The following MSH4 variants were observed in gnomAD, a reference collection of about 807,000 sequenced individuals.
MSH4 encodes the protein mutS homolog 4.
In MSH4, 106 loss-of-function variants were observed where a neutral mutation model predicts 113.7. The observed-to-expected ratio is 0.93, with a 90% CI of 0.80 to 1.10. MSH4 has a LOEUF of 1.10. Ranked by LOEUF, MSH4 falls within the 50% of genes least tolerant of loss-of-function variation. MSH4 has a pLI of 0.00. For missense variants in MSH4, 1,061 were observed against 1,093.7 expected (o/e 0.97, Z 0.42); for synonymous variants, 368 against 380.2 (o/e 0.97, Z 0.37).
intron 7 of MSH4, among the ~76,000 whole-genome samples, chr1:75,841,387 AG>A (rs1650957185): frequency 1.3e-5 from 2 of 152,066 alleles, no homozygotes; most frequent in African/African-American, 4.8e-5. Flanking sequence ...TTGTAGAGCC[AG>A]GGTCTTGCTC....
chr1:75,856,305 A>G (rs1386458090), intron 8 of MSH4, among the ~76,000 whole-genome samples: 1 of 151,682 alleles, frequency 6.6e-6, no homozygotes, highest in Non-Finnish European at 1.5e-5. Flanking sequence ...TTTTTTATGT[A>G]TATTTTAGGT....
intron 8 of MSH4, among the ~76,000 whole-genome samples, chr1:75,854,009 G>GTATATATATATATATATATATATA (rs1401266837): frequency 3.9e-5 from 2 of 50,664 alleles, no homozygotes; most frequent in African/African-American, 1.1e-4. Context: ...ATAAGTGTGT[G>GTATATATATATATATATATATATA]TGTGTATATA....
chr1:75,828,807 T>G (rs1384486641), intron 7 of MSH4, among the ~76,000 whole-genome samples: 1 of 152,152 alleles, frequency 6.6e-6, no homozygotes, highest in Non-Finnish European at 1.5e-5. Flanking sequence ...CAAAATAATT[T>G]TTTTTAAAAA....
At chr1:75,901,889 A>G (rs1652512309) in intron 19 of MSH4, among the ~76,000 whole-genome samples, 1 of 152,074 alleles carries the variant, frequency 6.6e-6, no homozygotes, top group South Asian at 2.1e-4. Context: ...GTTTTGATAT[A>G]TATTTCCTTA....
At chr1:75,818,867 A>G (rs1423420226) in intron 6 of MSH4, among the ~76,000 whole-genome samples, 1 of 151,976 alleles carries the variant, frequency 6.6e-6, no homozygotes, top group Non-Finnish European at 1.5e-5. Context: ...GGTTCACGCC[A>G]TTCTCCTGCC....
chr1:75,907,548 C>T (rs966038597), intron 19 of MSH4, among the ~76,000 whole-genome samples: 2 of 151,470 alleles, frequency 1.3e-5, no homozygotes, highest in Admixed American at 1.3e-4. Context: ...ACATATTTCT[C>T]TAGGTTTAGT....
At chr1:75,809,678 GT>G (rs1650146299) in intron 3 of MSH4, among the ~76,000 whole-genome samples, 1 of 132,386 alleles carries the variant, frequency 7.6e-6, no homozygotes, top group South Asian at 2.4e-4. Flanking sequence ...TGTTGCCCAG[GT>G]TGCCAGGTTG....
rs768890212 is a variant in MSH4 at position 75,803,821 on chromosome 1, C to G, written c.335C>G (p.Thr112Ser). Residue 112 changes from threonine (T) to serine (S), a missense_variant, in exon 2 of 20, where the codon ACT (threonine) becomes AGT (serine). Transcript: ENST00000263187. Reference sequence around the variant, plus strand: ...GCAAGCTCATCTTCTGCACGAGATACTAATTATCCTCAAACACTTAAAACT... The same window carrying G: ...GCAAGCTCATCTTCTGCACGAGATAGTAATTATCCTCAAACACTTAAAACT... ...FGASSSSARD[T>S]NYPQTLKTPL... 1 of 1,605,708 alleles carries G rather than the reference C, an allele frequency of 6.2e-7. No individual in the cohort carries two copies. Among genetic ancestry groups the G allele is most frequent in the Non-Finnish European group, 8.5e-7 (1 of 1,176,382 alleles).
intron 19 of MSH4, among the ~76,000 whole-genome samples, chr1:75,908,890 G>A (rs1430627939): frequency 6.6e-6 from 1 of 152,132 alleles, no homozygotes; most frequent in African/African-American, 2.4e-5. Context: ...TCTTAGAGGG[G>A]ATACCTCAGC....
At chr1:75,803,124 GA>G (rs1207448104) in intron 1 of MSH4, among the ~76,000 whole-genome samples, 2 of 152,096 alleles carry the variant, frequency 1.3e-5, no homozygotes, top group African/African-American at 2.4e-5. Flanking sequence ...TTTCAGAGGG[GA>G]CAGATATTCA....
intron 4 of MSH4, among the ~76,000 whole-genome samples, chr1:75,812,030 C>G (rs1002151950): frequency 6.6e-6 from 1 of 152,020 alleles, no homozygotes; most frequent in African/African-American, 2.4e-5. Flanking sequence ...TTTCATTATG[C>G]CTATTTATCC....
chr1:75,801,791 G>A (rs1649942209), intron 1 of MSH4, among the ~76,000 whole-genome samples: 1 of 151,854 alleles, frequency 6.6e-6, no homozygotes, highest in Admixed American at 6.6e-5. Context: ...GGTTACTTGA[G>A]CCCATGAGCT....
chr1:75,829,263 G>C (rs1037537869), intron 7 of MSH4, among the ~76,000 whole-genome samples: 3 of 152,084 alleles, frequency 2.0e-5, no homozygotes, highest in African/African-American at 7.2e-5. Context: ...GCTGAGGCTT[G>C]AGTAGGTAAA....
chr1:75,820,378 A>G (rs1224402408), intron 6 of MSH4, among the ~76,000 whole-genome samples: 1 of 152,244 alleles, frequency 6.6e-6, no homozygotes, highest in Non-Finnish European at 1.5e-5. Flanking sequence ...TGATTGGAAT[A>G]GTTTCAGAAG....
intron 8 of MSH4, among the ~76,000 whole-genome samples, chr1:75,861,846 CT>C (rs1651462476): frequency 6.6e-6 from 1 of 152,172 alleles, no homozygotes; most frequent in Admixed American, 6.5e-5. Context: ...TGCCTGCTGC[CT>C]TTTTTTCAGA....
At chr1:75,830,723 T>G (rs186014238) in intron 7 of MSH4, among the ~76,000 whole-genome samples, 1 of 152,224 alleles carries the variant, frequency 6.6e-6, no homozygotes, top group African/African-American at 2.4e-5. Flanking sequence ...TAAAATCCTT[T>G]AAGACAAACA....
intron 10 of MSH4, 34 bp downstream of exon 10, chr1:75,877,034 A>G (rs1159529994): frequency 7.5e-7 from 1 of 1,337,482 alleles, no homozygotes; most frequent in Non-Finnish European, 1.0e-6. Context: ...AAAAAATAAG[A>G]TTATTCTCTT....
intron 7 of MSH4, among the ~76,000 whole-genome samples, chr1:75,834,008 T>G (rs1650769487): frequency 6.6e-6 from 1 of 152,170 alleles, no homozygotes; most frequent in Admixed American, 6.6e-5. Context: ...ACCTACAGAA[T>G]GGGAGAAAAT....
At chr1:75,885,461 G>A (rs56296763) in intron 15 of MSH4, among the ~76,000 whole-genome samples, 37,257 of 115,482 alleles carry the variant, frequency 0.32, 7,349 homozygotes, top group East Asian at 0.71. Flanking sequence ...ATATATATAT[G>A]TATATATACA....
Sources: gnomAD v4.1 joint callset for allele counts (sites outside exome capture counted in the v4.1 genomes callset) on GRCh38, gnomAD v4.1.1 for gene constraint, MANE v1.5 for transcripts, NCBI Gene and HGNC (gene_info 2026-07-23, HGNC 2026-07-21) for gene names.